The following SYAP1 variants were observed in gnomAD, a reference collection of about 807,000 sequenced individuals.
SYAP1 encodes synapse-associated protein 1.
Under a neutral mutation model 29.6 loss-of-function variants are expected in SYAP1, and 3 were observed. That is an observed-to-expected ratio of 0.10 (90% CI 0.05 to 0.26). SYAP1 has a LOEUF of 0.26. SYAP1 is among the 10% of genes least tolerant of loss of function. The pLI, the probability that SYAP1 is intolerant of heterozygous loss-of-function variation, is 1.00. For missense variants in SYAP1, 217 were observed against 264.1 expected (o/e 0.82, Z 1.24); for synonymous variants, 102 against 102.7 (o/e 0.99, Z 0.04).
chrX:16,738,882 A>G (rs926411225), intron 3 of SYAP1, among the ~76,000 whole-genome samples: 2 of 111,835 alleles, frequency 1.8e-5, no homozygotes, highest in Admixed American at 9.6e-5. Flanking sequence ...GTAACTCTAT[A>G]AAGTACTTAC....
intron 1 of SYAP1, among the ~76,000 whole-genome samples, chrX:16,727,723 T>C (rs192659266): frequency 4.5e-5 from 5 of 111,738 alleles, no homozygotes; most frequent in African/African-American, 1.3e-4. Flanking sequence ...TCCTCTCCTC[T>C]TGAGGTCCCA....
intron 3 of SYAP1, among the ~76,000 whole-genome samples, chrX:16,741,292 G>T (rs187844977): frequency 1.8e-5 from 2 of 111,087 alleles, no homozygotes; most frequent in South Asian, 3.7e-4. Flanking sequence ...TTGACTCCTG[G>T]GTTCAGGTGA....
intron 1 of SYAP1, among the ~76,000 whole-genome samples, chrX:16,726,969 A>G (rs1569247211): frequency 8.9e-6 from 1 of 112,037 alleles, no homozygotes; most frequent in Non-Finnish European, 1.9e-5. Context: ...AAAAATGGGG[A>G]AAAAGGAAAA....
At chrX:16,755,386 G>A (rs187253300) in intron 6 of SYAP1, among the ~76,000 whole-genome samples, 1 of 108,021 alleles carries the variant, frequency 9.3e-6, no homozygotes, top group East Asian at 2.9e-4. Flanking sequence ...CAAACTCCTA[G>A]ACTCAAGCGA....
Position 16,755,086 on chromosome X carries a change from G to T in SYAP1, c.717G>T (p.Pro239=), listed in dbSNP as rs145396618. The change falls in exon 6 of 9, where the codon CCG becomes CCT. Residue 239 remains proline, a synonymous_variant. Coordinates refer to ENST00000380155, the MANE Select transcript of SYAP1 (RefSeq NM_032796.4). ...GCAATGGCAGAGAGCAAGATTTGCC[G>T]CTGGCAGGTATATTCTGGGTAGAAG... ...EKSNGREQDL[P]LAEAVRPKTP... 8.3e-7 allele frequency: 1 copy of T among 1,211,220 alleles called. No individual in the cohort carries two copies.
chrX:16,747,578 A>G (rs1050472660), intron 5 of SYAP1, among the ~76,000 whole-genome samples: 12 of 112,207 alleles, frequency 1.1e-4, no homozygotes, highest in African/African-American at 3.6e-4. Flanking sequence ...TTGGTTCTTT[A>G]CAATTGTGGA....
At chrX:16,719,968 G>A in intron 1 of SYAP1, 69 bp downstream of exon 1, 1 of 1,075,325 alleles carries the variant, frequency 9.3e-7, no homozygotes, top group Non-Finnish European at 1.2e-6. Flanking sequence ...GCCCTGGGGC[G>A]CGGGCCCGAC....
rs1343494974 is a variant in SYAP1, at chrX:16,765,213, G to A, written c.*4854G>A. Reference sequence around the variant, plus strand: ...AAGGGATTTACTTAGATAAGCCATCGATGATTTCAGTTGTTAAAAGTGTGG... The same window carrying A: ...AAGGGATTTACTTAGATAAGCCATCAATGATTTCAGTTGTTAAAAGTGTGG... On this transcript the variant is annotated 3_prime_UTR_variant, in exon 9 of 9. Transcript: ENST00000380155. 8.9e-6 allele frequency: 1 copy of A among 112,156 alleles called. No individual in the cohort carries two copies. Among genetic ancestry groups the A allele is most frequent in the African/African-American group, 3.2e-5 (1 of 30,936 alleles). 9.2% of individuals were successfully genotyped at this position (112,156 alleles called of 1,213,427 possible). A position where few individuals can be genotyped will look rare whatever the true frequency, so the allele number is the denominator to read the frequency against.
intron 1 of SYAP1, among the ~76,000 whole-genome samples, chrX:16,735,013 A>C (rs949999353): frequency 4.1e-4 from 44 of 106,532 alleles, no homozygotes; most frequent in East Asian, 2.0e-3. Flanking sequence ...AAAAAAAAAA[A>C]AAAAAAAAAC....
chrX:16,725,418 G>A (rs138955136), intron 1 of SYAP1, among the ~76,000 whole-genome samples: 267 of 112,078 alleles, frequency 2.4e-3, no homozygotes, highest in Non-Finnish European at 3.8e-3. Flanking sequence ...AGGCCAAGGC[G>A]GGTGGGTTGC....
chrX:16,733,114 A>C (rs1926245845), intron 1 of SYAP1, among the ~76,000 whole-genome samples: 1 of 111,318 alleles, frequency 9.0e-6, no homozygotes, highest in Admixed American at 9.5e-5. Context: ...AAATGTTTCA[A>C]ACCAAGGAGG....
Position 16,719,628 on chromosome X carries a change from G to T in SYAP1, c.-97G>T. ...GGCTGCGGTGTTCCTCCGACTTCCG[G>T]ACATCTCCCTGGGAGTCGCGCAGAG... On this transcript the variant is annotated 5_prime_UTR_variant, in exon 1 of 9. Transcript: ENST00000380155. 2.0e-6 allele frequency: 2 copies of T among 1,013,235 alleles called. No homozygotes were observed. Among genetic ancestry groups the T allele is most frequent in the East Asian group, 7.2e-5 (2 of 27,932 alleles). The allele number at this position is 1,013,235 out of a possible 1,213,427, so 83.5% of individuals were successfully genotyped here. A position where few individuals can be genotyped will look rare whatever the true frequency, so the allele number is the denominator to read the frequency against.
rs1282215084 is a variant in SYAP1, at chrX:16,736,163, C to T, written c.295-3C>T. The T allele has an allele frequency of 5.3e-6, 6 of 1,135,990 alleles. No homozygotes were observed. Among genetic ancestry groups the T allele is most frequent in the Non-Finnish European group, 7.2e-6 (6 of 829,846 alleles). The allele number at this position is 1,135,990 out of a possible 1,213,427, so 93.6% of individuals were successfully genotyped here. A position where few individuals can be genotyped will look rare whatever the true frequency, so the allele number is the denominator to read the frequency against. On this transcript the variant is annotated splice_polypyrimidine_tract_variant and splice_region_variant and intron_variant, in intron 2 of 8. Coordinates refer to ENST00000380155, the MANE Select transcript of SYAP1 (RefSeq NM_032796.4). The stretch of plus-strand genomic sequence containing the variant: ...TAATTTGACTATGTATTTTTTTTAA[C>T]AGACAATTATAGGAGATTTTCAGAA...
intron 6 of SYAP1, among the ~76,000 whole-genome samples, chrX:16,755,338 T>A (rs1169527502): frequency 9.1e-6 from 1 of 110,342 alleles, no homozygotes; most frequent in African/African-American, 3.3e-5. Flanking sequence ...TGTTTTTTTT[T>A]TTAGACACGG....
intron 8 of SYAP1, among the ~76,000 whole-genome samples, chrX:16,758,401 G>A (rs925661605): frequency 2.8e-5 from 3 of 107,499 alleles, no homozygotes; most frequent in African/African-American, 6.8e-5. Flanking sequence ...AGGCTGGAGT[G>A]CAGTGGTGCA....
chrX:16,758,267 A>G (rs1165675576), intron 8 of SYAP1, among the ~76,000 whole-genome samples: 1 of 106,030 alleles, frequency 9.4e-6, no homozygotes, highest in Admixed American at 1.0e-4. Flanking sequence ...CTGATCTTGA[A>G]CTCTTGGGCT....
intron 3 of SYAP1, among the ~76,000 whole-genome samples, chrX:16,739,476 C>CTTT (rs760754281): frequency 0.019 from 1,572 of 81,459 alleles, 68 homozygotes; most frequent in Non-Finnish European, 0.027. Flanking sequence ...CTCTCTCTCT[C>CTTT]TTTTTTTTTT....
At position 16,745,919 on chromosome X, in the gene SYAP1, A is replaced by G. The variant is rs953957234; in HGVS notation, c.575+2079A>G. 3.6e-5 allele frequency among the ~76,000 whole-genome samples: 4 copies of G among 110,410 alleles called. No individual in the cohort carries two copies. The Admixed American group carries it at 3.9e-4, about 11-fold the overall frequency. On this transcript the variant is annotated intron_variant, in intron 5 of 8. Transcript: ENST00000380155. Reference sequence around the variant, plus strand: ...ATCTTCAGAGGGAGCACAGATGAACACATGTTTGTTTTGCTATGCTTACCC... The same window carrying G: ...ATCTTCAGAGGGAGCACAGATGAACGCATGTTTGTTTTGCTATGCTTACCC...
At chrX:16,742,821 C>T (rs781619681) in intron 4 of SYAP1, among the ~76,000 whole-genome samples, 177 of 108,579 alleles carry the variant, frequency 1.6e-3, no homozygotes, top group Admixed American at 2.8e-3. Context: ...CACTATGTTT[C>T]CCAGGCTGGT....
Sources: gnomAD v4.1 joint callset for allele counts (sites outside exome capture counted in the v4.1 genomes callset) on GRCh38, gnomAD v4.1.1 for gene constraint, MANE v1.5 for transcripts, NCBI Gene and HGNC (gene_info 2026-07-23, HGNC 2026-07-21) for gene names.